ORC3: variants seen among roughly 807,000 people sequenced by gnomAD.
ORC3 encodes the protein homolog of latheo, Drosophila.
ORC3 carries 78 observed loss-of-function variants against 100.7 expected under a neutral mutation model. That is an observed-to-expected ratio of 0.77 (90% CI 0.65 to 0.94). ORC3 has a LOEUF of 0.94. ORC3 is among the 40% of genes least tolerant of loss of function. ORC3 has a pLI of 0.00. For synonymous variants in ORC3, 295 were observed against 289.3 expected (o/e 1.02, Z -0.20); for missense variants, 789 against 823.9 (o/e 0.96, Z 0.52).
chr6:87,621,205 G>A, intron 9 of ORC3, 149 bp from the exon 10 acceptor site: 1 of 448,558 alleles, frequency 2.2e-6, no homozygotes. Flanking sequence ...TTTTTATGTT[G>A]TTTGCAGTGT....
chr6:87,656,640 T>C (rs1304496043), intron 14 of ORC3, among the ~76,000 whole-genome samples: 1 of 152,156 alleles, frequency 6.6e-6, no homozygotes, highest in African/African-American at 2.4e-5. Context: ...GAGGGAGTTT[T>C]GTTAGGTTGT....
chr6:87,608,011 C>T (rs1248907510), intron 6 of ORC3, among the ~76,000 whole-genome samples, 187 bp downstream of exon 6: 3 of 152,172 alleles, frequency 2.0e-5, no homozygotes, highest in Non-Finnish European at 2.9e-5. Context: ...TATTAGTATG[C>T]AGCCTAATTC....
At chr6:87,657,272 C>T (rs1350470077) in intron 15 of ORC3, among the ~76,000 whole-genome samples, 1 of 152,160 alleles carries the variant, frequency 6.6e-6, no homozygotes, top group African/African-American at 2.4e-5. Flanking sequence ...GGGAACATGG[C>T]TGCACAAATC....
At chr6:87,626,007 GT>G (rs1287274621) in intron 11 of ORC3, among the ~76,000 whole-genome samples, 2 of 152,106 alleles carry the variant, frequency 1.3e-5, no homozygotes, top group African/African-American at 4.8e-5. Context: ...GATGTGTGGT[GT>G]TATTTCTGAG....
At chr6:87,601,053 A>C (rs1037235592) in intron 2 of ORC3, among the ~76,000 whole-genome samples, 3 of 152,252 alleles carry the variant, frequency 2.0e-5, no homozygotes, top group Admixed American at 1.3e-4. Flanking sequence ...AGACTGGACT[A>C]AACTATGTCA....
chr6:87,632,402 C>T (rs1284656963), intron 11 of ORC3, among the ~76,000 whole-genome samples: 1 of 151,346 alleles, frequency 6.6e-6, no homozygotes, highest in Non-Finnish European at 1.5e-5. Context: ...GTCAAAATTA[C>T]TCTTGAAAAA....
rs974070662 is a variant in ORC3 at position 87,610,595 on chromosome 6, G to A, written c.713+1366G>A. ...GGAGTCTCGCTCTGTCGCCCAGGTC[G>A]GACTGCGGACTGCAGTGGCGCAATC... is the stretch of plus-strand genomic sequence containing the variant. On this transcript the variant is annotated intron_variant, in intron 7 of 19. Coordinates refer to ENST00000392844, the MANE Select transcript of ORC3 (RefSeq NM_012381.4). Among the ~76,000 whole-genome samples, 37 of 132,026 alleles carry A rather than the reference G, an allele frequency of 2.8e-4. 1 individual carries two copies. The highest frequency in any genetic ancestry group is 9.7e-5 in the Non-Finnish European group (6 of 61,662). 86.6% of individuals were successfully genotyped at this position (132,026 alleles called of 152,430 possible). A position where few individuals can be genotyped will look rare whatever the true frequency, so the allele number is the denominator to read the frequency against.
chr6:87,663,975 C>T (rs538031094), intron 17 of ORC3, among the ~76,000 whole-genome samples: 2 of 152,030 alleles, frequency 1.3e-5, no homozygotes, highest in African/African-American at 4.8e-5. Context: ...TTGAGTAGGA[C>T]GATATAAGTC....
intron 11 of ORC3, among the ~76,000 whole-genome samples, chr6:87,629,923 T>C (rs1429346348): frequency 6.6e-6 from 1 of 152,152 alleles, no homozygotes. Flanking sequence ...ACAGGATTGA[T>C]GAGGTTGGAG....
At chr6:87,619,641 G>A (rs186987871) in intron 9 of ORC3, among the ~76,000 whole-genome samples, 25 of 152,088 alleles carry the variant, frequency 1.6e-4, no homozygotes, top group Admixed American at 8.5e-4. Flanking sequence ...TCTGACCTCC[G>A]GTGATCCACC....
intron 14 of ORC3, among the ~76,000 whole-genome samples, chr6:87,654,788 T>G (rs1381180315): frequency 6.6e-6 from 1 of 152,210 alleles, no homozygotes; most frequent in Non-Finnish European, 1.5e-5. Context: ...ACATATAATT[T>G]TTTCTTCTTT....
At chr6:87,599,013 G>A (rs1241385103) in intron 2 of ORC3, among the ~76,000 whole-genome samples, 1 of 152,196 alleles carries the variant, frequency 6.6e-6, no homozygotes, top group African/African-American at 2.4e-5. Flanking sequence ...CACTGTAGGA[G>A]ATACCCACAC....
the ORC3 span, chr6:87,675,998 CA>C: frequency 1.5e-6 from 2 of 1,327,892 alleles, no homozygotes; most frequent in East Asian, 4.6e-5. Flanking sequence ...AAACTGAAAA[CA>C]CAAAATATAC....
intron 9 of ORC3, among the ~76,000 whole-genome samples, chr6:87,618,568 G>C (rs1212486169): frequency 6.6e-6 from 1 of 152,172 alleles, no homozygotes; most frequent in African/African-American, 2.4e-5. Flanking sequence ...TAAGAAATAG[G>C]AGCGAGCCAG....
chr6:87,636,352 A>T, intron 12 of ORC3, 55 bp from the exon 13 acceptor site: 1 of 1,026,986 alleles, frequency 9.7e-7, no homozygotes. Context: ...ATTTTTGCCA[A>T]ACTAGTAGTG....
intron 1 of ORC3, among the ~76,000 whole-genome samples, chr6:87,592,394 G>A (rs911762286): frequency 2.6e-5 from 4 of 152,124 alleles, no homozygotes; most frequent in Non-Finnish European, 1.5e-5. Context: ...ACTTTGGGAG[G>A]CCGAGGTGGG....
At chr6:87,653,290 G>A in intron 14 of ORC3, 41 bp downstream of exon 14, 1 of 1,579,472 alleles carries the variant, frequency 6.3e-7, no homozygotes, top group Non-Finnish European at 8.6e-7. Flanking sequence ...GGCCATGACA[G>A]TCATTTAACT....
At chr6:87,628,970 A>T (rs1780115580) in intron 11 of ORC3, among the ~76,000 whole-genome samples, 1 of 152,226 alleles carries the variant, frequency 6.6e-6, no homozygotes, top group Non-Finnish European at 1.5e-5. Flanking sequence ...ATTTAAATTC[A>T]AACTCTTTGT....
intron 11 of ORC3, among the ~76,000 whole-genome samples, chr6:87,631,480 C>G (rs1767402766): frequency 6.6e-6 from 1 of 151,948 alleles, no homozygotes; most frequent in Non-Finnish European, 1.5e-5. Flanking sequence ...TATGATGCTG[C>G]TGTAATGTAT....
Sources: allele counts gnomAD v4.1 joint callset (sites outside exome capture counted in the v4.1 genomes callset), GRCh38; gene constraint gnomAD v4.1.1; transcripts MANE v1.5; gene names NCBI Gene and HGNC (gene_info 2026-07-23, HGNC 2026-07-21).